Variants in PDE5A observed in about 807,000 individuals in gnomAD.
PDE5A encodes the protein cGMP-specific 3',5'-cyclic phosphodiesterase.
Under a neutral mutation model 110.2 loss-of-function variants are expected in PDE5A, and 67 were observed. The ratio of observed to expected loss-of-function variants is 0.61; its 90% CI spans 0.50 to 0.75. The LOEUF is 0.75. PDE5A is among the 30% of genes least tolerant of loss of function. The probability of loss-of-function intolerance (pLI) is 0.00; values close to 1 mark genes in which losing one functional copy is unlikely to be tolerated. For missense variants in PDE5A, 862 were observed against 1,045.1 expected (o/e 0.82, Z 2.42); for synonymous variants, 328 against 351.2 (o/e 0.93, Z 0.74).
At chr4:119,520,843 G>T in intron 13 of PDE5A, 92 bp downstream of exon 13, 1 of 1,049,112 alleles carries the variant, frequency 9.5e-7, no homozygotes, top group Non-Finnish European at 1.4e-6. Context: ...TTAAATCATT[G>T]TGCACCTTAA....
At chr4:119,607,670 G>A (rs1473541245) in intron 1 of PDE5A, among the ~76,000 whole-genome samples, 3 of 152,138 alleles carry the variant, frequency 2.0e-5, no homozygotes, top group South Asian at 2.1e-4. Flanking sequence ...CCAGGAGTTC[G>A]AGGCTGTAGT....
chr4:119,583,730 CAG>C (rs1429253592), intron 3 of PDE5A, among the ~76,000 whole-genome samples: 1 of 152,076 alleles, frequency 6.6e-6, no homozygotes, highest in Admixed American at 6.5e-5. Flanking sequence ...AGGAGAGAGA[CAG>C]GGGAACATGA....
chr4:119,613,008 G>T (rs1310168055), intron 1 of PDE5A, among the ~76,000 whole-genome samples: 1 of 152,178 alleles, frequency 6.6e-6, no homozygotes, highest in Non-Finnish European at 1.5e-5. Context: ...CTCACAAAGA[G>T]AATATTAGTC....
At chr4:119,509,691 C>T (rs527379496) in intron 15 of PDE5A, among the ~76,000 whole-genome samples, 2 of 152,126 alleles carry the variant, frequency 1.3e-5, no homozygotes, top group African/African-American at 4.8e-5. Flanking sequence ...TCACATTAAA[C>T]AGTCACATGT....
At chr4:119,609,286 G>A (rs1328756938) in intron 1 of PDE5A, among the ~76,000 whole-genome samples, 3 of 152,182 alleles carry the variant, frequency 2.0e-5, no homozygotes, top group South Asian at 2.1e-4. Flanking sequence ...TAGTAAGTAC[G>A]TTTGCTACAG....
At chr4:119,597,985 T>G (rs1729210871) in intron 2 of PDE5A, among the ~76,000 whole-genome samples, 2 of 152,130 alleles carry the variant, frequency 1.3e-5, no homozygotes, top group Non-Finnish European at 2.9e-5. Context: ...AAACTTTAGC[T>G]GAATCTTCCT....
At chr4:119,513,413 T>A (rs1185536164) in intron 14 of PDE5A, among the ~76,000 whole-genome samples, 3 of 152,134 alleles carry the variant, frequency 2.0e-5, no homozygotes, top group African/African-American at 7.2e-5. Context: ...TGGGTGGACA[T>A]CTGGATAGCT....
chr4:119,628,154 G>T, intron 1 of PDE5A: 1 of 435,526 alleles, frequency 2.3e-6, no homozygotes, highest in Non-Finnish European at 3.1e-6. Context: ...CAGGGAAGGG[G>T]CTCAGAAACT....
intron 3 of PDE5A, among the ~76,000 whole-genome samples, chr4:119,583,434 A>T (rs1728654719): frequency 1.3e-5 from 2 of 152,220 alleles, no homozygotes; most frequent in Non-Finnish European, 2.9e-5. Flanking sequence ...CAAACTTTGT[A>T]TCAGCAATAA....
chr4:119,607,344 G>A, intron 1 of PDE5A, 47 bp from the exon 2 acceptor site: 1 of 1,232,472 alleles, frequency 8.1e-7, no homozygotes, highest in Non-Finnish European at 1.2e-6. Flanking sequence ...AAGAGGAAGG[G>A]TGCTATGCCT....
At chr4:119,583,321 TACCTCTCTC>T (rs1728652606) in intron 3 of PDE5A, among the ~76,000 whole-genome samples, 1 of 152,222 alleles carries the variant, frequency 6.6e-6, no homozygotes, top group Non-Finnish European at 1.5e-5. Flanking sequence ...GAAGCTTCCT[TACCTCTCTC>T]AGCCTTCACA....
rs534844212 is a variant in PDE5A, at chr4:119,519,445, T to A, written c.1906-306A>T. The A allele has an allele frequency of 1.7e-4, 45 of 272,252 alleles. 1 individual carries two copies. In the South Asian group the frequency reaches 5.1e-3, roughly 31 times the overall value. The allele number at this position is 272,252 out of a possible 1,614,324, so 16.9% of individuals were successfully genotyped here. A position where few individuals can be genotyped will look rare whatever the true frequency, so the allele number is the denominator to read the frequency against. ...TAATTATTATGTGAAATAATCATAA[T>A]AAACTTTAAATAATTGTTTTTTTCC... is the stretch of plus-strand genomic sequence containing the variant. On this transcript the variant is annotated intron_variant, in intron 13 of 20. Transcript: ENST00000354960.
chr4:119,627,269 G>C lies in PDE5A; in HGVS notation c.152+1251C>G, dbSNP rs1345144735. 2 of 1,561,954 alleles carry C rather than the reference G, an allele frequency of 1.3e-6. No homozygotes were observed. Among genetic ancestry groups the C allele is most frequent in the African/African-American group, 1.4e-5 (1 of 72,814 alleles). On this transcript the variant is annotated intron_variant, in intron 1 of 20. Coordinates refer to ENST00000354960, the MANE Select transcript of PDE5A (RefSeq NM_001083.4). This position sits in a 1 kb window ranked among gnomAD's most constrained non-coding sequence, Gnocchi z 4.6. ...AACGCGCGCAGGTGAGGTGAGGTGA[G>C]GTCGGCGACTCAGAACCAGCTCCCT... is the stretch of plus-strand genomic sequence containing the variant.
chr4:119,601,563 G>A (rs1048867553), intron 2 of PDE5A, among the ~76,000 whole-genome samples: 4 of 151,924 alleles, frequency 2.6e-5, no homozygotes, highest in Admixed American at 6.6e-5. Context: ...CTTGAGTTCC[G>A]TGGGTCATTC....
At chr4:119,550,152 T>A (rs1727289784) in intron 9 of PDE5A, 1 of 152,098 alleles carries the variant, frequency 6.6e-6, no homozygotes, top group Non-Finnish European at 1.5e-5. Context: ...CACTGGAAAT[T>A]TTCCCCCTTA....
chr4:119,525,351 A>G lies in PDE5A; in HGVS notation c.1779+198T>C, dbSNP rs1560601813. Among the ~76,000 whole-genome samples, 1 of 152,116 alleles carries G rather than the reference A, an allele frequency of 6.6e-6. No homozygotes were observed. The highest frequency in any genetic ancestry group is 1.9e-4 in the East Asian group (1 of 5,182). ...TAGTCTTCACCCTGATACTTGATAC[A>G]TGCTAGGAGCCCATTAAATGTCTTT... On this transcript the variant is annotated intron_variant, in intron 12 of 20. Coordinates refer to ENST00000354960, the MANE Select transcript of PDE5A (RefSeq NM_001083.4). The surrounding 1 kb of genome is among the most constrained non-coding windows in gnomAD (Gnocchi z 4.3).
rs1224025933 is a variant in PDE5A, at chr4:119,614,014, A to C, written c.153-6717T>G. Among the ~76,000 whole-genome samples, 6 of 151,716 alleles carry C rather than the reference A, an allele frequency of 4.0e-5. No homozygotes were observed. The East Asian group carries it at 1.2e-3, about 30-fold the overall frequency. ...AATCTAGAAGTAAAAATCAAATTCA[A>C]GCAGAGAAGGCATAGAGAAAGATGA... On this transcript the variant is annotated intron_variant, in intron 1 of 20. Transcript: ENST00000354960.
chr4:119,504,840 C>T (rs1725502738), intron 17 of PDE5A, among the ~76,000 whole-genome samples: 1 of 152,026 alleles, frequency 6.6e-6, no homozygotes, highest in African/African-American at 2.4e-5. Context: ...CCTCATTTAG[C>T]TCCAGATTGG....
intron 9 of PDE5A, chr4:119,551,841 T>C (rs1727366775): frequency 6.6e-6 from 1 of 152,224 alleles, no homozygotes; most frequent in South Asian, 2.1e-4. Context: ...AGGGTTTTAA[T>C]TCTAAATTTA....
Sources: gnomAD v4.1 joint callset for allele counts (sites outside exome capture counted in the v4.1 genomes callset) on GRCh38, gnomAD v4.1.1 for gene constraint, Gnocchi (gnomAD v3.1) non-coding constraint, MANE v1.5 for transcripts, NCBI Gene and HGNC (gene_info 2026-07-23, HGNC 2026-07-21) for gene names.